Variants in SGCD observed in about 807,000 individuals in gnomAD.
SGCD encodes sarcoglycan delta.
In SGCD, 18 loss-of-function variants were observed where a neutral mutation model predicts 36.6. That is an observed-to-expected ratio of 0.49 (90% confidence interval 0.34 to 0.73). The LOEUF is 0.73. Among genes scored for constraint, SGCD ranks in the 30% least tolerant of loss-of-function variants. The pLI, the probability that SGCD is intolerant of heterozygous loss-of-function variation, is 0.01. For synonymous variants in SGCD, 133 were observed against 130.6 expected, an observed-to-expected ratio of 1.02 and a Z score of -0.12; for missense variants, 387 against 346.7, an observed-to-expected ratio of 1.12 and a Z score of -0.92.
intron 1 of SGCD, among the ~76,000 whole-genome samples, chr5:155,946,444 G>A (rs554146931): frequency 6.6e-6 from 1 of 152,066 alleles, no homozygotes; most frequent in South Asian, 2.1e-4. Context: ...CTTGATGAGA[G>A]TTTAATTAAA....
At chr5:155,966,027 T>TA (rs1191609428) in intron 1 of SGCD, among the ~76,000 whole-genome samples, 13 of 152,032 alleles carry the variant, frequency 8.6e-5, no homozygotes, top group African/African-American at 9.7e-5. Flanking sequence ...TTAAGCCACT[T>TA]AAAAAATCAT....
At chr5:155,964,368 C>G (rs1036183633) in intron 1 of SGCD, among the ~76,000 whole-genome samples, 4 of 151,948 alleles carry the variant, frequency 2.6e-5, no homozygotes, top group Non-Finnish European at 5.9e-5. Flanking sequence ...GAGTTGGAGT[C>G]TCACTCTGTC....
rs1244715764 is a variant in SGCD at position 156,127,799 on chromosome 5, C to T, written c.-44+3780C>T. The stretch of plus-strand genomic sequence containing the variant: ...AAAAATAAAGAAGCTTAATTTCTAC[C>T]TTATACCATACACAAAAATCAGTTT... On this transcript the variant is annotated intron_variant, in intron 3 of 9. Transcript: ENST00000517913. 2.9e-5 allele frequency among the ~76,000 whole-genome samples: 4 copies of T among 135,690 alleles called. No homozygotes were observed. The Admixed American group carries it at 3.1e-4, about 11-fold the overall frequency. 89.0% of individuals were successfully genotyped at this position (135,690 alleles called of 152,430 possible).
chr5:156,495,613 T>C (rs1270859582), intron 3 of SGCD, among the ~76,000 whole-genome samples: 1 of 152,144 alleles, frequency 6.6e-6, no homozygotes, highest in African/African-American at 2.4e-5. Flanking sequence ...CAGGCCAGCA[T>C]CTTAATCGGA....
intron 7 of SGCD, among the ~76,000 whole-genome samples, chr5:156,707,167 G>A (rs1335390193): frequency 6.6e-6 from 1 of 152,092 alleles, no homozygotes; most frequent in Non-Finnish European, 1.5e-5. Flanking sequence ...TTTCATAAAA[G>A]GCCAGACATT....
chr5:156,199,760 C>T (rs1412925643), intron 3 of SGCD, among the ~76,000 whole-genome samples: 1 of 152,072 alleles, frequency 6.6e-6, no homozygotes, highest in Non-Finnish European at 1.5e-5. Flanking sequence ...AATTTTGCTG[C>T]AGCATTTCCA....
chr5:156,134,185 A>G (rs1762397911), intron 3 of SGCD, among the ~76,000 whole-genome samples: 2 of 152,074 alleles, frequency 1.3e-5, no homozygotes, highest in South Asian at 4.1e-4. Flanking sequence ...TCTTTTCATG[A>G]GACTTTTTCA....
intron 3 of SGCD, among the ~76,000 whole-genome samples, chr5:156,128,879 C>A (rs556352120): frequency 1.6e-4 from 25 of 152,162 alleles, no homozygotes; most frequent in African/African-American, 5.5e-4. Context: ...GAATACTATT[C>A]AACAATAAAA....
At chr5:156,080,904 A>G (rs1760932699) in intron 1 of SGCD, among the ~76,000 whole-genome samples, 1 of 152,218 alleles carries the variant, frequency 6.6e-6, no homozygotes, top group African/African-American at 2.4e-5. Context: ...ACCCAGTTCC[A>G]AAGTCACCTA....
chr5:156,115,184 T>C (rs2127600738), intron 1 of SGCD, among the ~76,000 whole-genome samples: 2 of 152,204 alleles, frequency 1.3e-5, no homozygotes, highest in South Asian at 4.1e-4. Flanking sequence ...GTGCATCAAA[T>C]AATTATTAAG....
At chr5:156,739,369 C>T (rs913590896) in intron 7 of SGCD, among the ~76,000 whole-genome samples, 4 of 152,046 alleles carry the variant, frequency 2.6e-5, no homozygotes, top group African/African-American at 7.2e-5. Context: ...TGGGCATAAA[C>T]CAAGTAGAAT....
At chr5:155,902,726 C>T (rs2113341026) in intron 1 of SGCD, among the ~76,000 whole-genome samples, 2 of 152,274 alleles carry the variant, frequency 1.3e-5, no homozygotes, top group South Asian at 4.1e-4. Flanking sequence ...TAGCGTAGTG[C>T]TTGGTATATA....
chr5:156,069,091 G>A (rs554134813), intron 1 of SGCD, among the ~76,000 whole-genome samples: 7 of 152,144 alleles, frequency 4.6e-5, no homozygotes, highest in Middle Eastern at 6.8e-3. Context: ...CACTCTGATG[G>A]TAGTTTCTTT....
chr5:156,016,930 A>G (rs984570417), intron 1 of SGCD, among the ~76,000 whole-genome samples: 1 of 152,112 alleles, frequency 6.6e-6, no homozygotes, highest in Non-Finnish European at 1.5e-5. Context: ...TTGATATGTG[A>G]TTGCTGGATC....
intron 3 of SGCD, among the ~76,000 whole-genome samples, chr5:156,428,408 G>C (rs951889932): frequency 6.6e-6 from 1 of 151,816 alleles, no homozygotes; most frequent in Non-Finnish European, 1.5e-5. Flanking sequence ...TTCTAATTGA[G>C]CTTATTTGGA....
the SGCD span, among the ~76,000 whole-genome samples, chr5:155,858,972 G>A: frequency 6.6e-6 from 1 of 151,444 alleles, no homozygotes; most frequent in African/African-American, 2.4e-5. Context: ...TGGAAATAGA[G>A]TTATTCAGTT....
chr5:155,815,897 G>C, the SGCD span, among the ~76,000 whole-genome samples: 1 of 152,082 alleles, frequency 6.6e-6, no homozygotes. Flanking sequence ...AAAGTCAAAT[G>C]TACACAGTTT....
chr5:156,143,464 A>G (rs1309688440), intron 3 of SGCD, among the ~76,000 whole-genome samples: 1 of 152,168 alleles, frequency 6.6e-6, no homozygotes, highest in Non-Finnish European at 1.5e-5. Context: ...AGCCCCCAGA[A>G]TGGTTGATTC....
chr5:155,777,734 G>A, the SGCD span, among the ~76,000 whole-genome samples: 1 of 152,212 alleles, frequency 6.6e-6, no homozygotes, highest in South Asian at 2.1e-4. Flanking sequence ...GCCATTTCTG[G>A]TTATGGTCTT....
Sources: allele counts gnomAD v4.1 joint callset (sites outside exome capture counted in the v4.1 genomes callset), GRCh38; gene constraint gnomAD v4.1.1; transcripts MANE v1.5; gene names NCBI Gene and HGNC (gene_info 2026-07-23, HGNC 2026-07-21).